CCDC73: variants seen among roughly 807,000 people sequenced by gnomAD.
CCDC73 encodes coiled-coil domain-containing protein 73.
In CCDC73, 95 loss-of-function variants were observed where a neutral mutation model predicts 116.5. That is an observed-to-expected ratio of 0.82 (90% CI 0.69 to 0.97). The LOEUF (loss-of-function observed/expected upper bound fraction) is 0.97, where lower values mean the gene tolerates loss of function less well. Among genes scored for constraint, CCDC73 ranks in the 50% least tolerant of loss-of-function variants. The pLI, the probability that CCDC73 is intolerant of heterozygous loss-of-function variation, is 0.00. For synonymous variants in CCDC73, 398 were observed against 401.3 expected (o/e 0.99, Z 0.10); for missense variants, 1,066 against 1,206.8 (o/e 0.88, Z 1.73).
chr11:32,688,652 C>T (rs542650970), intron 6 of CCDC73, among the ~76,000 whole-genome samples: 5 of 152,072 alleles, frequency 3.3e-5, no homozygotes, highest in Non-Finnish European at 5.9e-5. Context: ...GATGATAGAG[C>T]ATCAGTTTGG....
chr11:32,798,002 T>C (rs1850737844), upstream of CCDC73, among the ~76,000 whole-genome samples: 1 of 152,254 alleles, frequency 6.6e-6, no homozygotes, highest in South Asian at 2.1e-4. Flanking sequence ...CTTTGTTTCA[T>C]GCACAAAGTT....
In CCDC73 at chr11:32,725,144, T is replaced by TC. The variant is rs539179737; in HGVS notation, c.136-6998dup. ...CTTTTTTTTTTTAACTTTATAGTAA[T>TC]CCCCCCTTATCCATGGGTTCACTTT... On this transcript the variant is annotated intron_variant, in intron 2 of 17. Transcript: ENST00000335185. Among the ~76,000 whole-genome samples the TC allele has an allele frequency of 1.8e-4, 28 of 151,794 alleles. No individual in the cohort carries two copies. In the East Asian group the frequency reaches 4.8e-3, roughly 26 times the overall value.
At chr11:32,724,892 C>G (rs987083445) in intron 2 of CCDC73, among the ~76,000 whole-genome samples, 1 of 152,114 alleles carries the variant, frequency 6.6e-6, no homozygotes, top group African/African-American at 2.4e-5. Context: ...GTATCAAAAA[C>G]GATGTCTAAC....
intron 2 of CCDC73, among the ~76,000 whole-genome samples, chr11:32,732,326 C>A (rs1850086475): frequency 6.6e-6 from 1 of 152,130 alleles, no homozygotes; most frequent in African/African-American, 2.4e-5. Flanking sequence ...AGAATGGAAC[C>A]AAGTTGGAAA....
chr11:32,767,232 A>G (rs1447044599), intron 1 of CCDC73, among the ~76,000 whole-genome samples: 1 of 152,220 alleles, frequency 6.6e-6, no homozygotes, highest in Non-Finnish European at 1.5e-5. Context: ...AGGAGTCCCT[A>G]TTTAACAAAT....
At chr11:32,619,855 T>C (rs1186877488) in intron 14 of CCDC73, among the ~76,000 whole-genome samples, 1 of 104,768 alleles carries the variant, frequency 9.5e-6, no homozygotes, top group Non-Finnish European at 1.7e-5. Context: ...GGAGGAAAAG[T>C]AGAAGGGAAG....
the CCDC73 span, among the ~76,000 whole-genome samples, chr11:32,821,192 AT>A: frequency 6.6e-6 from 1 of 152,228 alleles, no homozygotes; most frequent in South Asian, 2.1e-4. Flanking sequence ...TCACTTTTTC[AT>A]TTAATTCTTA....
the CCDC73 span, among the ~76,000 whole-genome samples, chr11:32,823,585 A>T: frequency 6.6e-6 from 1 of 152,094 alleles, no homozygotes; most frequent in Non-Finnish European, 1.5e-5. Context: ...TACAAGAAAG[A>T]TATACAAATT....
chr11:32,657,994 T>A (rs1287816289), intron 9 of CCDC73, among the ~76,000 whole-genome samples: 44 of 66,104 alleles, frequency 6.7e-4, no homozygotes, highest in African/African-American at 8.2e-4. Flanking sequence ...CTCTTAAAAA[T>A]AAAAACCCAC....
At chr11:32,758,198 T>A in intron 2 of CCDC73, 1 of 236,700 alleles carries the variant, frequency 4.2e-6, no homozygotes, top group Non-Finnish European at 8.9e-6. Context: ...GCTAGTATTA[T>A]ATACTTTTAC....
intron 9 of CCDC73, among the ~76,000 whole-genome samples, chr11:32,667,016 G>A (rs1390231251): frequency 2.0e-5 from 3 of 152,128 alleles, no homozygotes; most frequent in Non-Finnish European, 4.4e-5. Context: ...TTGTTCCTCT[G>A]GAAGCTTCGT....
the CCDC73 span, among the ~76,000 whole-genome samples, chr11:32,823,976 C>G: frequency 6.6e-6 from 1 of 152,164 alleles, no homozygotes; most frequent in Non-Finnish European, 1.5e-5. Flanking sequence ...CTCATTGCAA[C>G]CTCCACCTCC....
chr11:32,808,156 G>T, the CCDC73 span, among the ~76,000 whole-genome samples: 2 of 148,982 alleles, frequency 1.3e-5, no homozygotes, highest in African/African-American at 2.5e-5. Context: ...CCAAATTAAA[G>T]AAAGGATAAA....
At chr11:32,803,421 G>T in the CCDC73 span, among the ~76,000 whole-genome samples, 5 of 152,128 alleles carry the variant, frequency 3.3e-5, no homozygotes, top group Non-Finnish European at 7.4e-5. Flanking sequence ...ATACTAGTTT[G>T]TCTTCACTAA....
chr11:32,630,084 T>C (rs2133237208), intron 14 of CCDC73, among the ~76,000 whole-genome samples: 1 of 152,254 alleles, frequency 6.6e-6, no homozygotes, highest in South Asian at 2.1e-4. Context: ...ATTTTCTTTG[T>C]CAGATAATTC....
chr11:32,685,718 C>CTTTTT (rs149696866), intron 6 of CCDC73, among the ~76,000 whole-genome samples: 6 of 90,696 alleles, frequency 6.6e-5, no homozygotes, highest in Admixed American at 1.4e-4. Flanking sequence ...CCTGACTTAG[C>CTTTTT]TTTTTTTTTT....
the CCDC73 span, among the ~76,000 whole-genome samples, chr11:32,823,520 A>T: frequency 2.6e-5 from 4 of 152,006 alleles, no homozygotes; most frequent in South Asian, 4.1e-4. Flanking sequence ...AAGAGAAAAT[A>T]AAAAAAATTT....
chr11:32,728,696 T>C (rs930767401), intron 2 of CCDC73, among the ~76,000 whole-genome samples: 1 of 149,344 alleles, frequency 6.7e-6, no homozygotes, highest in Non-Finnish European at 1.5e-5. Flanking sequence ...TCCAATTCTG[T>C]TTTGTTTGTT....
chr11:32,795,440 C>T (rs926782736), upstream of CCDC73, among the ~76,000 whole-genome samples: 2 of 148,744 alleles, frequency 1.3e-5, no homozygotes, highest in African/African-American at 5.0e-5. Context: ...CACTGCACTC[C>T]AGCCTAGGCA....
Sources: gnomAD v4.1 joint callset for allele counts (sites outside exome capture counted in the v4.1 genomes callset) on GRCh38, gnomAD v4.1.1 for gene constraint, MANE v1.5 for transcripts, NCBI Gene and HGNC (gene_info 2026-07-23, HGNC 2026-07-21) for gene names.